Variants in CCDC102B observed in about 807,000 individuals in gnomAD.
The protein encoded by CCDC102B is coiled-coil domain containing 102B, also known as coiled-coil domain-containing protein 102B.
A neutral mutation model predicts 57.4 loss-of-function variants in CCDC102B; 75 were observed. That is an observed-to-expected ratio of 1.31 (90% CI 1.08 to 1.58). CCDC102B has a LOEUF of 1.58. Among genes scored for constraint, CCDC102B ranks in the 40% most tolerant of loss-of-function variants. The probability of loss-of-function intolerance (pLI) is 0.00; values close to 1 mark genes in which losing one functional copy is unlikely to be tolerated. For synonymous variants in CCDC102B, 206 were observed against 201.9 expected, an observed-to-expected ratio of 1.02 and a Z score of -0.17; for missense variants, 636 against 582.6, an observed-to-expected ratio of 1.09 and a Z score of -0.94.
At chr18:68,905,238 A>G (rs960760887) in intron 6 of CCDC102B, among the ~76,000 whole-genome samples, 7 of 19,432 alleles carry the variant, frequency 3.6e-4, no homozygotes, top group Non-Finnish European at 7.2e-4. Flanking sequence ...AAATTATGAC[A>G]TTTACGAATG....
intron 2 of CCDC102B, among the ~76,000 whole-genome samples, chr18:68,777,636 CTA>C (rs1454820611): frequency 6.6e-6 from 1 of 151,988 alleles, no homozygotes; most frequent in African/African-American, 2.4e-5. Context: ...GAAAAAGAAA[CTA>C]TGTTATGGTA....
At chr18:68,842,624 C>T (rs972678372) in intron 3 of CCDC102B, among the ~76,000 whole-genome samples, 2 of 152,124 alleles carry the variant, frequency 1.3e-5, no homozygotes, top group Non-Finnish European at 2.9e-5. Context: ...AAGCGAGAAG[C>T]AGCAGCAATA....
rs536905835 is a variant in CCDC102B, at chr18:68,843,119, A to G, written c.828-3194A>G. Among the ~76,000 whole-genome samples the G allele has an allele frequency of 2.0e-5, 3 of 152,334 alleles. No homozygotes were observed. The East Asian group carries it at 5.8e-4, about 29-fold the overall frequency. On this transcript the variant is annotated intron_variant, in intron 3 of 7. Transcript: ENST00000360242. ...TGGCTGTTTGCAACAGCCGAGTGCT[A>G]ACACCCAGTGCTGAAAGATGTAATT...
chr18:68,715,974 G>A (rs1441554620), intron 1 of CCDC102B, among the ~76,000 whole-genome samples: 6 of 152,144 alleles, frequency 3.9e-5, no homozygotes, highest in African/African-American at 1.4e-4. Context: ...GTCATAAAAC[G>A]TCGTTATTCC....
chr18:68,897,342 C>A lies in CCDC102B; in HGVS notation c.1177C>A (p.Leu393Ile). The change falls in exon 6 of 8, where the codon CTT (leucine) becomes ATT (isoleucine). Residue 393 changes from leucine to isoleucine, a missense_variant. Physicochemically the swap from Leu to Ile is conservative, Grantham distance 5. Transcript: ENST00000360242. Reference sequence around the variant, plus strand: ...GATCCAGGTGAAAGAAATGGAAGAGCTTTTGGATAAGAAAAATAGATTAAG... The same window carrying A: ...GATCCAGGTGAAAGAAATGGAAGAGATTTTGGATAAGAAAAATAGATTAAG... Reference protein sequence around the residue: ...LKIQVKEMEELLDKKNRLSAN... With the variant: ...LKIQVKEMEEILDKKNRLSAN... 1.9e-6 allele frequency: 3 copies of A among 1,613,038 alleles called. No homozygotes were observed. The highest frequency in any genetic ancestry group is 2.5e-6 in the Non-Finnish European group (3 of 1,179,310).
At chr18:68,900,466 T>C (rs995297971) in intron 6 of CCDC102B, among the ~76,000 whole-genome samples, 19 of 151,956 alleles carry the variant, frequency 1.3e-4, no homozygotes, top group African/African-American at 3.9e-4. Context: ...AAAGTTTTTT[T>C]AAAAAAAAGT....
intron 6 of CCDC102B, among the ~76,000 whole-genome samples, chr18:69,002,000 G>C (rs1019177626): frequency 6.6e-6 from 1 of 152,056 alleles, no homozygotes; most frequent in Non-Finnish European, 1.5e-5. Flanking sequence ...AATTTATTTA[G>C]TAAGTATGTT....
intron 4 of CCDC102B, among the ~76,000 whole-genome samples, chr18:68,851,809 C>G (rs139976021): frequency 0.015 from 2,303 of 152,204 alleles, 22 homozygotes; most frequent in Non-Finnish European, 0.022. Context: ...AGTGAAGTCT[C>G]TAAGTGAGTT....
chr18:68,959,432 G>A (rs577588202), intron 6 of CCDC102B, among the ~76,000 whole-genome samples: 1 of 152,200 alleles, frequency 6.6e-6, no homozygotes, highest in Non-Finnish European at 1.5e-5. Context: ...ACCATCACTG[G>A]AACTAGGCTA....
At chr18:69,034,505 G>A (rs2052233488) in intron 7 of CCDC102B, among the ~76,000 whole-genome samples, 1 of 151,876 alleles carries the variant, frequency 6.6e-6, no homozygotes, top group Admixed American at 6.6e-5. Flanking sequence ...ATGTCAAAAA[G>A]CAATTGACCA....
chr18:68,903,740 CTTG>C (rs1035346177), intron 6 of CCDC102B, among the ~76,000 whole-genome samples: 1 of 152,158 alleles, frequency 6.6e-6, no homozygotes, highest in African/African-American at 2.4e-5. Flanking sequence ...GTTTTGGAAG[CTTG>C]TTTACTGAAA....
chr18:68,971,923 C>T (rs564239849), intron 6 of CCDC102B, among the ~76,000 whole-genome samples: 1 of 151,538 alleles, frequency 6.6e-6, no homozygotes, highest in Non-Finnish European at 1.5e-5. Flanking sequence ...TCTTCCTTTC[C>T]TTCACTTCAT....
chr18:68,899,398 T>C (rs1418586062), intron 6 of CCDC102B, among the ~76,000 whole-genome samples: 1 of 151,912 alleles, frequency 6.6e-6, no homozygotes, highest in Non-Finnish European at 1.5e-5. Flanking sequence ...TATATGTATA[T>C]AACTACCATA....
intron 5 of CCDC102B, among the ~76,000 whole-genome samples, chr18:68,888,139 C>CT (rs940400130): frequency 2.0e-5 from 3 of 151,978 alleles, no homozygotes; most frequent in Admixed American, 1.3e-4. Context: ...TAAAAATATA[C>CT]TTTTTTTAAA....
intron 6 of CCDC102B, among the ~76,000 whole-genome samples, chr18:68,999,148 A>G (rs2051131077): frequency 6.6e-6 from 1 of 151,920 alleles, no homozygotes; most frequent in African/African-American, 2.4e-5. Flanking sequence ...AGTCATGTGA[A>G]GGAGCAATCA....
rs552244441 is a variant in CCDC102B at position 68,869,792 on chromosome 18, T to C, written c.937-4877T>C. Among the ~76,000 whole-genome samples the C allele has an allele frequency of 1.9e-4, 29 of 152,330 alleles. No individual in the cohort carries two copies. The South Asian group carries it at 5.8e-3, about 30-fold the overall frequency. ...TTTGGGGTTTTATTCATGAAGTCTTTTCCCATGCCTATGTCCTGAATGGTA... is the reference window on the plus strand; with the variant it reads ...TTTGGGGTTTTATTCATGAAGTCTTCTCCCATGCCTATGTCCTGAATGGTA... On this transcript the variant is annotated intron_variant, in intron 4 of 7. Coordinates refer to ENST00000360242, the MANE Select transcript of CCDC102B (RefSeq NM_024781.3).
chr18:68,763,226 G>A (rs1007726325), intron 2 of CCDC102B, among the ~76,000 whole-genome samples: 24 of 151,856 alleles, frequency 1.6e-4, no homozygotes, highest in African/African-American at 5.8e-4. Context: ...TCATCTCCCT[G>A]TTTCTCACAC....
chr18:69,050,673 T>C (rs770650271), intron 7 of CCDC102B, among the ~76,000 whole-genome samples: 3 of 152,092 alleles, frequency 2.0e-5, no homozygotes, highest in Non-Finnish European at 4.4e-5. Flanking sequence ...AGATGGAGAG[T>C]ATTAAACTCT....
chr18:68,745,307 G>T (rs185955167), intron 2 of CCDC102B, among the ~76,000 whole-genome samples: 6 of 152,014 alleles, frequency 3.9e-5, no homozygotes, highest in Admixed American at 2.0e-4. Context: ...AGCATGTGGG[G>T]TTGCAGTGTC....
Sources: gnomAD v4.1 joint callset for allele counts (sites outside exome capture counted in the v4.1 genomes callset) on GRCh38, gnomAD v4.1.1 for gene constraint, MANE v1.5 for transcripts, NCBI Gene and HGNC (gene_info 2026-07-23, HGNC 2026-07-21) for gene names.